LRP1B: variants seen among roughly 807,000 people sequenced by gnomAD.
The protein encoded by LRP1B is LDL receptor related protein 1B, also known as low-density lipoprotein receptor-related protein 1B.
LRP1B carries 217 observed loss-of-function variants against 556.6 expected under a neutral mutation model. That is an observed-to-expected ratio of 0.39 (90% CI 0.35 to 0.44). The LOEUF (loss-of-function observed/expected upper bound fraction) is 0.44. Ranked by LOEUF, LRP1B falls within the 20% of genes least tolerant of loss-of-function variation. The pLI, the probability that LRP1B is intolerant of heterozygous loss-of-function variation, is 1.00. For synonymous variants in LRP1B, 2,047 were observed against 1,865.8 expected (o/e 1.10, Z -2.50); for missense variants, 5,053 against 5,620.8 (o/e 0.90, Z 3.23).
At chr2:141,256,420 C>A (rs1684468623) in intron 3 of LRP1B, among the ~76,000 whole-genome samples, 1 of 151,612 alleles carries the variant, frequency 6.6e-6, no homozygotes, top group Admixed American at 6.6e-5. Context: ...GGAGCCAGGT[C>A]AAGGTGAATT....
At chr2:141,086,618 TTG>T (rs10608029) in intron 7 of LRP1B, among the ~76,000 whole-genome samples, 10,682 of 148,064 alleles carry the variant, frequency 0.072, 596 homozygotes, top group African/African-American at 0.16. Context: ...AGTATAATAT[TTG>T]TGTGTGTGTG....
At chr2:141,171,570 TAC>T (rs58335503) in intron 7 of LRP1B, among the ~76,000 whole-genome samples, 49,896 of 151,756 alleles carry the variant, frequency 0.33, 8,562 homozygotes, top group East Asian at 0.66. Flanking sequence ...CACAGGCTGA[TAC>T]ACAGTCTTCT....
At chr2:142,016,170 G>A (rs1395766333) in intron 1 of LRP1B, among the ~76,000 whole-genome samples, 3 of 151,982 alleles carry the variant, frequency 2.0e-5, no homozygotes, top group Non-Finnish European at 4.4e-5. Context: ...TCATTAAATA[G>A]TCAGGAAACA....
At chr2:140,661,630 G>A (rs1237920397) in intron 41 of LRP1B, among the ~76,000 whole-genome samples, 3 of 152,154 alleles carry the variant, frequency 2.0e-5, no homozygotes, top group African/African-American at 7.2e-5. Flanking sequence ...TTGCACCACT[G>A]CACTCCAGCC....
chr2:141,138,228 C>A (rs758727404), intron 7 of LRP1B, among the ~76,000 whole-genome samples: 7 of 151,844 alleles, frequency 4.6e-5, no homozygotes, highest in Non-Finnish European at 1.0e-4. Flanking sequence ...CCATTACTGA[C>A]AAAAATTCTC....
At chr2:140,964,949 A>G (rs1201948520) in intron 18 of LRP1B, among the ~76,000 whole-genome samples, 1 of 152,136 alleles carries the variant, frequency 6.6e-6, no homozygotes, top group Non-Finnish European at 1.5e-5. Flanking sequence ...GCAAGACTCC[A>G]ACTCGGGAGG....
At chr2:140,338,110 G>T (rs1049146235) in intron 77 of LRP1B, among the ~76,000 whole-genome samples, 2 of 151,622 alleles carry the variant, frequency 1.3e-5, no homozygotes, top group African/African-American at 2.4e-5. Flanking sequence ...AAGTTATATT[G>T]ATGACTTGCA....
intron 1 of LRP1B, among the ~76,000 whole-genome samples, chr2:142,056,821 C>T (rs1704691073): frequency 6.6e-6 from 1 of 151,428 alleles, no homozygotes; most frequent in South Asian, 2.1e-4. Flanking sequence ...TTCCTTCCTC[C>T]TTCTCCCATA....
At chr2:140,367,783 G>A (rs558986178) in intron 71 of LRP1B, among the ~76,000 whole-genome samples, 3 of 151,592 alleles carry the variant, frequency 2.0e-5, no homozygotes, top group Non-Finnish European at 4.4e-5. Context: ...AAATCTCATC[G>A]CATGCTCCAT....
At chr2:140,946,759 G>A (rs1320615882) in intron 20 of LRP1B, among the ~76,000 whole-genome samples, 1 of 152,144 alleles carries the variant, frequency 6.6e-6, no homozygotes, top group African/African-American at 2.4e-5. Context: ...CACAGTGGCA[G>A]ACATGGAATC....
intron 75 of LRP1B, 50 bp downstream of exon 75, chr2:140,356,292 C>A (rs1682211876): frequency 1.3e-6 from 2 of 1,591,048 alleles, no homozygotes; most frequent in African/African-American, 1.3e-5. Flanking sequence ...TCTTGGGAAT[C>A]TTCATAACCC....
At chr2:140,735,772 C>T (rs1687926175) in intron 35 of LRP1B, among the ~76,000 whole-genome samples, 1 of 152,110 alleles carries the variant, frequency 6.6e-6, no homozygotes, top group Non-Finnish European at 1.5e-5. Flanking sequence ...GGCTACTTGG[C>T]TATAACTATG....
rs114890393 is a variant in LRP1B at position 141,707,125 on chromosome 2, T to C, written c.205+103154A>G. On this transcript the variant is annotated intron_variant, in intron 2 of 90. Coordinates refer to ENST00000389484, the MANE Select transcript of LRP1B (RefSeq NM_018557.3). Reference sequence around the variant, plus strand: ...GGAAAATCAGTGTAATTTAAGTGCATTCACATTAATGACCATAGGTATATG... The same window carrying C: ...GGAAAATCAGTGTAATTTAAGTGCACTCACATTAATGACCATAGGTATATG... Among the ~76,000 whole-genome samples, 363 of 152,232 alleles carry C rather than the reference T, an allele frequency of 2.4e-3. 2 individuals carry two copies. The highest frequency in any genetic ancestry group is 8.5e-3 in the African/African-American group (355 of 41,564).
At chr2:140,495,313 CTTTT>C (rs10536858) in intron 56 of LRP1B, among the ~76,000 whole-genome samples, 14 of 133,736 alleles carry the variant, frequency 1.0e-4, no homozygotes, top group Non-Finnish European at 1.1e-4. Flanking sequence ...AGAGATAGTT[CTTTT>C]TTTTTTTTTT....
chr2:140,750,174 A>G (rs1022846994), intron 35 of LRP1B, among the ~76,000 whole-genome samples: 9 of 152,028 alleles, frequency 5.9e-5, no homozygotes, highest in African/African-American at 2.2e-4. Flanking sequence ...TCCTTTTTTC[A>G]TGTCCATCCT....
intron 6 of LRP1B, among the ~76,000 whole-genome samples, chr2:141,195,873 T>G (rs902597043): frequency 1.3e-5 from 2 of 151,564 alleles, no homozygotes; most frequent in African/African-American, 2.4e-5. Context: ...TGGCAGAGAG[T>G]GGCTGTTTAG....
chr2:142,006,198 T>C (rs907230000), intron 1 of LRP1B, among the ~76,000 whole-genome samples: 7 of 152,192 alleles, frequency 4.6e-5, no homozygotes, highest in Admixed American at 1.3e-4. Flanking sequence ...CTGGTTGCAA[T>C]AAACCAGGAT....
At position 142,126,166 on chromosome 2, in the gene LRP1B, ACAGT is replaced by A. The variant is rs557677153; in HGVS notation, c.82+4478_82+4481del. Among the ~76,000 whole-genome samples, 102 of 152,016 alleles carry A rather than the reference ACAGT, an allele frequency of 6.7e-4. 1 individual carries two copies. The East Asian group carries it at 6.8e-3, about 10-fold the overall frequency. ...TAATTTTGACACGTGTTTCTGCCAC[ACAGT>A]CAGATTCTGTTAAAACAAAATACTT... On this transcript the variant is annotated intron_variant, in intron 1 of 90. Transcript: ENST00000389484.
intron 1 of LRP1B, among the ~76,000 whole-genome samples, chr2:141,945,310 A>G (rs984593668): frequency 1.1e-4 from 17 of 152,246 alleles, no homozygotes; most frequent in Admixed American, 1.0e-3. Context: ...CAGTTTGTCA[A>G]ACTAAATCCT....
Sources: gnomAD v4.1 joint callset for allele counts (sites outside exome capture counted in the v4.1 genomes callset) on GRCh38, gnomAD v4.1.1 for gene constraint, MANE v1.5 for transcripts, NCBI Gene and HGNC (gene_info 2026-07-23, HGNC 2026-07-21) for gene names.